Variants in DOCK3 observed in about 807,000 individuals in gnomAD.
DOCK3 encodes the protein dedicator of cytokinesis 3, also known as dedicator of cytokinesis protein 3.
In DOCK3, 60 loss-of-function variants were observed where a neutral mutation model predicts 265.6. The ratio of observed to expected loss-of-function variants is 0.23; its 90% confidence interval spans 0.18 to 0.28. DOCK3 has a LOEUF of 0.28. Ranked by LOEUF, DOCK3 falls within the 10% of genes least tolerant of loss-of-function variation. The probability of loss-of-function intolerance (pLI) is 1.00; values close to 1 mark genes in which losing one functional copy is unlikely to be tolerated. For missense variants in DOCK3, 1,981 were observed against 2,594.3 expected, an observed-to-expected ratio of 0.76 and a Z score of 5.14; for synonymous variants, 881 against 938.0, an observed-to-expected ratio of 0.94 and a Z score of 1.11.
At chr3:50,855,768 G>A (rs1328289050) in intron 3 of DOCK3, among the ~76,000 whole-genome samples, 4 of 151,792 alleles carry the variant, frequency 2.6e-5, no homozygotes, top group African/African-American at 4.8e-5. Context: ...TTGGCTGCAC[G>A]GATCATCCCA....
At chr3:51,256,718 C>G (rs559950096) in intron 22 of DOCK3, among the ~76,000 whole-genome samples, 8 of 151,908 alleles carry the variant, frequency 5.3e-5, no homozygotes, top group African/African-American at 1.9e-4. Flanking sequence ...CTCAGCCTCC[C>G]AAGTAGCTGG....
chr3:51,092,918 C>A (rs954449398), intron 9 of DOCK3, among the ~76,000 whole-genome samples: 1 of 152,288 alleles, frequency 6.6e-6, no homozygotes, highest in Middle Eastern at 3.4e-3. Flanking sequence ...TTTCCCGACA[C>A]CATTTATTAA....
intron 3 of DOCK3, among the ~76,000 whole-genome samples, chr3:50,861,791 T>G (rs2107508207): frequency 6.6e-6 from 1 of 151,872 alleles, no homozygotes; most frequent in African/African-American, 2.4e-5. Flanking sequence ...TGTGTGATCT[T>G]TATCCCTTTA....
chr3:50,778,824 T>A, intron 2 of DOCK3, 66 bp downstream of exon 2: 14 of 1,124,966 alleles, frequency 1.2e-5, no homozygotes, highest in Non-Finnish European at 1.7e-5. Context: ...ACATTTATTT[T>A]GTGCTAATAA....
chr3:51,083,301 T>A (rs996706846), intron 7 of DOCK3, among the ~76,000 whole-genome samples: 1 of 152,122 alleles, frequency 6.6e-6, no homozygotes, highest in Non-Finnish European at 1.5e-5. Context: ...AAAAAGTCTT[T>A]CCCTATGTAA....
At chr3:51,108,716 G>GA (rs2083391809) in intron 9 of DOCK3, among the ~76,000 whole-genome samples, 1 of 152,000 alleles carries the variant, frequency 6.6e-6, no homozygotes, top group Non-Finnish European at 1.5e-5. Context: ...ATGGAAAACA[G>GA]AAAAAAGCAG....
At chr3:51,195,795 G>C (rs2088260581) in intron 12 of DOCK3, among the ~76,000 whole-genome samples, 1 of 151,874 alleles carries the variant, frequency 6.6e-6, no homozygotes, top group South Asian at 2.1e-4. Flanking sequence ...TTTTTTGTAG[G>C]GCCAGTCCAG....
At chr3:51,096,333 CCTTTT>C (rs771395729) in intron 9 of DOCK3, among the ~76,000 whole-genome samples, 13 of 151,960 alleles carry the variant, frequency 8.6e-5, no homozygotes, top group South Asian at 2.1e-4. Context: ...TTTGTTCATT[CCTTTT>C]CTTTTCTTTT....
chr3:50,871,107 G>A lies in DOCK3; in HGVS notation c.163-18919G>A, dbSNP rs190417801. Among the ~76,000 whole-genome samples the A allele has an allele frequency of 5.9e-5, 9 of 151,952 alleles. No individual in the cohort carries two copies. The East Asian group carries it at 7.7e-4, about 13-fold the overall frequency. On this transcript the variant is annotated intron_variant, in intron 3 of 52. Coordinates refer to ENST00000266037, the MANE Select transcript of DOCK3 (RefSeq NM_004947.5). Reference sequence around the variant, plus strand: ...ATACTTAGTATTACCGATGAGTTTCGTACCTTCAGATGATTACTCGTTGCT... The same window carrying A: ...ATACTTAGTATTACCGATGAGTTTCATACCTTCAGATGATTACTCGTTGCT...
intron 1 of DOCK3, among the ~76,000 whole-genome samples, chr3:50,678,820 C>G (rs7433448): frequency 3.7e-5 from 5 of 136,954 alleles, no homozygotes; most frequent in African/African-American, 1.4e-4. Flanking sequence ...TTTTTTTTTT[C>G]TTTTTTTGAG....
At chr3:51,198,543 T>C (rs1224086671) in intron 12 of DOCK3, among the ~76,000 whole-genome samples, 1 of 145,272 alleles carries the variant, frequency 6.9e-6, no homozygotes, top group Non-Finnish European at 1.5e-5. Flanking sequence ...TTCTTTTGAA[T>C]GTGATATTAT....
intron 12 of DOCK3, among the ~76,000 whole-genome samples, chr3:51,184,907 T>C (rs1375749081): frequency 6.6e-6 from 1 of 152,212 alleles, no homozygotes; most frequent in African/African-American, 2.4e-5. Context: ...TATGATATGA[T>C]GAGACTGAGA....
At chr3:51,171,039 T>C (rs2086653025) in intron 12 of DOCK3, among the ~76,000 whole-genome samples, 1 of 152,192 alleles carries the variant, frequency 6.6e-6, no homozygotes, top group African/African-American at 2.4e-5. Flanking sequence ...TTCTCGTCTC[T>C]ATTTCATTTA....
At chr3:50,722,769 G>GTTT (rs58505050) in intron 1 of DOCK3, among the ~76,000 whole-genome samples, 29,212 of 135,010 alleles carry the variant, frequency 0.22, 3,798 homozygotes, top group South Asian at 0.37. Context: ...TCTTTTTCTT[G>GTTT]TTTTTTTTTT....
intron 5 of DOCK3, among the ~76,000 whole-genome samples, chr3:50,948,556 C>CTTTTCTTTTCTTTTCTCTTCT (rs1448056986): frequency 6.6e-6 from 1 of 151,550 alleles, no homozygotes. Context: ...AAACCCGGCT[C>CTTTTCTTTTCTTTTCTCTTCT]TTTTCTTTTC....
intron 27 of DOCK3, among the ~76,000 whole-genome samples, chr3:51,299,399 G>A (rs1227025838): frequency 2.0e-5 from 3 of 151,950 alleles, no homozygotes; most frequent in African/African-American, 7.3e-5. Flanking sequence ...TTCTTTTGCT[G>A]TGCAGAAGCT....
At chr3:51,177,862 A>G (rs2087043893) in intron 12 of DOCK3, among the ~76,000 whole-genome samples, 1 of 152,040 alleles carries the variant, frequency 6.6e-6, no homozygotes, top group Admixed American at 6.6e-5. Flanking sequence ...ATAGTGGCGC[A>G]TGCCTGTAGT....
intron 3 of DOCK3, among the ~76,000 whole-genome samples, chr3:50,862,222 T>G (rs914665913): frequency 3.9e-5 from 6 of 152,244 alleles, no homozygotes; most frequent in Non-Finnish European, 8.8e-5. Flanking sequence ...TCCCTAGTTG[T>G]GGATACCTTC....
rs756074376 is a variant in DOCK3 at position 50,805,796 on chromosome 3, T to A, written c.121+27038T>A. Among the ~76,000 whole-genome samples the A allele has an allele frequency of 2.0e-4, 31 of 152,268 alleles. No individual in the cohort carries two copies. In the Middle Eastern group the frequency reaches 0.01, roughly 50 times the overall value. On this transcript the variant is annotated intron_variant, in intron 2 of 52. Coordinates refer to ENST00000266037, the MANE Select transcript of DOCK3 (RefSeq NM_004947.5). ...GCTGCTCAGCTTTCCTGGGTGCATG[T>A]CTGCTGGAGGTGGTTTACTGGGTTT...
Sources: gnomAD v4.1 joint callset for allele counts (sites outside exome capture counted in the v4.1 genomes callset) on GRCh38, gnomAD v4.1.1 for gene constraint, MANE v1.5 for transcripts, NCBI Gene and HGNC (gene_info 2026-07-23, HGNC 2026-07-21) for gene names.